Variants in MKNK1 observed in about 807,000 individuals in gnomAD.
The protein encoded by MKNK1 is MAP kinase-interacting serine/threonine-protein kinase 1.
In MKNK1, 30 loss-of-function variants were observed where a neutral mutation model predicts 49.3. The observed-to-expected ratio is 0.61, with a 90% CI of 0.46 to 0.83. MKNK1 has a LOEUF of 0.83. Ranked by LOEUF, MKNK1 falls within the 40% of genes least tolerant of loss-of-function variation. The probability of loss-of-function intolerance (pLI) is 0.00; values close to 1 mark genes in which losing one functional copy is unlikely to be tolerated. For missense variants in MKNK1, 423 were observed against 524.7 expected, an observed-to-expected ratio of 0.81 and a Z score of 1.89; for synonymous variants, 176 against 201.7, an observed-to-expected ratio of 0.87 and a Z score of 1.08.
At chr1:46,599,924 C>G (rs1427714542) in intron 1 of MKNK1, among the ~76,000 whole-genome samples, 1 of 152,150 alleles carries the variant, frequency 6.6e-6, no homozygotes, top group Non-Finnish European at 1.5e-5. Context: ...CTACTCCACT[C>G]TCTACATTTT....
At chr1:46,602,872 T>C (rs1359881155) in intron 1 of MKNK1, among the ~76,000 whole-genome samples, 1 of 152,226 alleles carries the variant, frequency 6.6e-6, no homozygotes, top group African/African-American at 2.4e-5. Context: ...TCAATTACTC[T>C]GGGACCACAT....
intron 11 of MKNK1, among the ~76,000 whole-genome samples, 155 bp downstream of exon 11, chr1:46,561,323 A>C (rs916623907): frequency 2.0e-5 from 3 of 152,150 alleles, no homozygotes; most frequent in Admixed American, 6.5e-5. Flanking sequence ...TAACAGGAGG[A>C]GTCGATTCAC....
intron 8 of MKNK1, 29 bp downstream of exon 8, chr1:46,568,414 T>C: frequency 6.2e-7 from 1 of 1,610,828 alleles, no homozygotes; most frequent in Non-Finnish European, 8.5e-7. Context: ...AAGTATAAAC[T>C]ATAACATTCC....
intron 1 of MKNK1, among the ~76,000 whole-genome samples, chr1:46,598,865 T>C (rs1401987431): frequency 6.6e-6 from 1 of 152,214 alleles, no homozygotes; most frequent in Admixed American, 6.5e-5. Context: ...TTCTCAGTTC[T>C]TCCTCATACA....
intron 9 of MKNK1, among the ~76,000 whole-genome samples, chr1:46,564,229 C>T (rs1209640776): frequency 6.6e-6 from 1 of 151,786 alleles, no homozygotes; most frequent in Non-Finnish European, 1.5e-5. Flanking sequence ...CTTGGCCAAG[C>T]GATCCCATGT....
At chr1:46,590,104 G>A (rs540648908) in intron 2 of MKNK1, among the ~76,000 whole-genome samples, 1 of 152,184 alleles carries the variant, frequency 6.6e-6, no homozygotes, top group Non-Finnish European at 1.5e-5. Context: ...AGAGCAAGCA[G>A]AGAAGTGTAA....
intron 4 of MKNK1, among the ~76,000 whole-genome samples, chr1:46,580,105 G>A (rs577516505): frequency 1.4e-4 from 21 of 152,262 alleles, no homozygotes; most frequent in Non-Finnish European, 2.4e-4. Context: ...TGAGGCTTAC[G>A]GACATTTGAT....
intron 1 of MKNK1, among the ~76,000 whole-genome samples, chr1:46,595,922 A>AT (rs1034767074): frequency 3.3e-5 from 5 of 152,002 alleles, no homozygotes; most frequent in South Asian, 2.1e-4. Flanking sequence ...TAATTTTTGT[A>AT]TTTTTTGTAG....
At chr1:46,577,095 C>A (rs1163124612) in intron 4 of MKNK1, among the ~76,000 whole-genome samples, 2 of 152,202 alleles carry the variant, frequency 1.3e-5, no homozygotes, top group Non-Finnish European at 2.9e-5. Context: ...AGCTTTGACA[C>A]CCAGCTCAGA....
chr1:46,563,028 C>T (rs115988887), intron 9 of MKNK1, 185 bp from the exon 10 acceptor site: 16,456 of 553,326 alleles, frequency 0.03, 353 homozygotes, highest in Non-Finnish European at 0.042. Flanking sequence ...AGACTGAGCT[C>T]CATCATTTTC....
Position 46,593,223 on chromosome 1 carries a change from C to T in MKNK1, c.-3+890G>A, listed in dbSNP as rs181060792. 1.4e-4 allele frequency among the ~76,000 whole-genome samples: 22 copies of T among 152,244 alleles called. No individual in the cohort carries two copies. The East Asian group carries it at 3.5e-3, about 24-fold the overall frequency. On this transcript the variant is annotated intron_variant, in intron 2 of 12. Coordinates refer to ENST00000371945, the MANE Select transcript of MKNK1 (RefSeq NM_001135553.4). Reference sequence around the variant, plus strand: ...CAAATTATTATTATGTTTTGAGCTACGGTCTCGCTCTGTCATCCAGGCTGG... The same window carrying T: ...CAAATTATTATTATGTTTTGAGCTATGGTCTCGCTCTGTCATCCAGGCTGG...
chr1:46,562,388 T>G (rs1570016738), intron 10 of MKNK1, among the ~76,000 whole-genome samples: 2 of 79,210 alleles, frequency 2.5e-5, no homozygotes, highest in African/African-American at 1.1e-4. Flanking sequence ...AGAGAGAGAC[T>G]CCATCTCAAA....
intron 12 of MKNK1, among the ~76,000 whole-genome samples, chr1:46,559,440 T>C (rs1415436015): frequency 1.3e-5 from 2 of 152,204 alleles, no homozygotes; most frequent in Non-Finnish European, 2.9e-5. Flanking sequence ...CCCACACTGC[T>C]TAGCCCTGGC....
In MKNK1 at chr1:46,561,534, C is replaced by T. The variant is rs1472078148; in HGVS notation, c.913G>A (p.Asp305Asn). 2 of 1,614,144 alleles carry T rather than the reference C, an allele frequency of 1.2e-6. No individual in the cohort carries two copies. Among genetic ancestry groups the T allele is most frequent in the Non-Finnish European group, 8.5e-7 (1 of 1,179,994 alleles). ...GCGGCGCTAAGTCTCTGCTTTGCAT[C>T]TCGCACCAGGAGCTTGGAGATGAGG... ...KDLISKLLVR[D>N]AKQRLSAAQV... The change falls in exon 11 of 13, where the codon GAT becomes AAT. Residue 305 changes from aspartate to asparagine, a missense_variant. Asp to Asn is a conservative substitution (Grantham distance 23). Transcript: ENST00000371945.
chr1:46,558,952 C>A, intron 12 of MKNK1, 152 bp from the exon 13 acceptor site: 1 of 660,440 alleles, frequency 1.5e-6, no homozygotes, highest in South Asian at 1.9e-5. Context: ...GTAGTTCTTG[C>A]CTAGGTTTGG....
intron 2 of MKNK1, among the ~76,000 whole-genome samples, chr1:46,587,758 G>A (rs959687215): frequency 2.6e-5 from 4 of 151,970 alleles, no homozygotes; most frequent in East Asian, 1.9e-4. Flanking sequence ...CGGAGGTTGC[G>A]GTGAACTGAG....
chr1:46,591,859 A>G (rs1350976793), intron 2 of MKNK1, among the ~76,000 whole-genome samples: 1 of 152,242 alleles, frequency 6.6e-6, no homozygotes, highest in Non-Finnish European at 1.5e-5. Flanking sequence ...GTTACACAGA[A>G]TATTAAAGAG....
At chr1:46,571,519 G>C (rs1325577519) in intron 7 of MKNK1, 2 of 436,380 alleles carry the variant, frequency 4.6e-6, no homozygotes, top group Non-Finnish European at 9.0e-6. Context: ...CTCCAGCCTA[G>C]GTGACAGAGA....
At chr1:46,584,040 CCTT>C (rs1672144472) in intron 2 of MKNK1, among the ~76,000 whole-genome samples, 1 of 152,184 alleles carries the variant, frequency 6.6e-6, no homozygotes, top group Non-Finnish European at 1.5e-5. Flanking sequence ...TTGCAAAAAA[CCTT>C]ATTATCTTTC....
Sources: gnomAD v4.1 joint callset for allele counts (sites outside exome capture counted in the v4.1 genomes callset) on GRCh38, gnomAD v4.1.1 for gene constraint, MANE v1.5 for transcripts, NCBI Gene and HGNC (gene_info 2026-07-23, HGNC 2026-07-21) for gene names.